AGO3: variants seen among roughly 807,000 people sequenced by gnomAD.
AGO3 encodes the protein argonaute RISC catalytic component 3, also known as protein argonaute-3.
In AGO3, 16 loss-of-function variants were observed where a neutral mutation model predicts 105.5. The observed-to-expected ratio is 0.15, with a 90% confidence interval of 0.10 to 0.23. AGO3 has a LOEUF of 0.23. Ranked by LOEUF, AGO3 falls within the 10% of genes least tolerant of loss-of-function variation. The pLI is 1.00. For missense variants in AGO3, 534 were observed against 1,088.0 expected (o/e 0.49, Z 7.16); for synonymous variants, 340 against 367.3 (o/e 0.93, Z 0.85).
intron 11 of AGO3, among the ~76,000 whole-genome samples, chr1:36,016,762 C>G (rs910731843): frequency 6.6e-6 from 1 of 152,114 alleles, no homozygotes; most frequent in Non-Finnish European, 1.5e-5. Flanking sequence ...CCTCCTTGTG[C>G]TGAAATTTCC....
chr1:35,975,212 A>G (rs558088786), intron 5 of AGO3, among the ~76,000 whole-genome samples: 1 of 152,314 alleles, frequency 6.6e-6, no homozygotes, highest in South Asian at 2.1e-4. Flanking sequence ...TTTTGCATCA[A>G]TGAATGAGAG....
chr1:35,978,085 T>C (rs1646984084), intron 5 of AGO3, among the ~76,000 whole-genome samples: 1 of 152,198 alleles, frequency 6.6e-6, no homozygotes. Flanking sequence ...ATAAAGAATA[T>C]TTTCTATTAT....
At chr1:35,972,856 A>ATTTTTTTTT (rs1165696072) in intron 4 of AGO3, among the ~76,000 whole-genome samples, 4 of 122,894 alleles carry the variant, frequency 3.3e-5, no homozygotes, top group Admixed American at 9.6e-5. Flanking sequence ...TTAAAAAAAA[A>ATTTTTTTTT]TTTTTTTTTT....
At chr1:35,969,056 A>G (rs991314934) in intron 3 of AGO3, among the ~76,000 whole-genome samples, 1 of 152,110 alleles carries the variant, frequency 6.6e-6, no homozygotes, top group Non-Finnish European at 1.5e-5. Context: ...CTTTGGAGAA[A>G]TCTGTGGTCA....
chr1:35,936,533 G>C (rs1646149370), intron 1 of AGO3, among the ~76,000 whole-genome samples: 1 of 152,128 alleles, frequency 6.6e-6, no homozygotes, highest in African/African-American at 2.4e-5. Flanking sequence ...TGTTGGCCAG[G>C]CTGGTCTTGA....
chr1:35,970,174 C>T (rs1210913654), intron 3 of AGO3, among the ~76,000 whole-genome samples: 1 of 152,146 alleles, frequency 6.6e-6, no homozygotes, highest in African/African-American at 2.4e-5. Flanking sequence ...GGTATGTTCA[C>T]AGCTGCTGGG....
At chr1:35,947,069 T>A (rs925451986) in intron 2 of AGO3, among the ~76,000 whole-genome samples, 1 of 152,124 alleles carries the variant, frequency 6.6e-6, no homozygotes, top group African/African-American at 2.4e-5. Context: ...AAAATTTTGG[T>A]TAGCTGTAGT....
chr1:35,952,075 ACTTT>A (rs1243620319), intron 2 of AGO3, among the ~76,000 whole-genome samples: 1 of 148,386 alleles, frequency 6.7e-6, no homozygotes, highest in African/African-American at 2.5e-5. Context: ...CCACTAATCT[ACTTT>A]CTTTCTCTGT....
rs1424296591 is a variant in AGO3, at chr1:36,030,518, A to AG, written c.1591+3220_1591+3221insG. On this transcript the variant is annotated intron_variant, in intron 12 of 18. Transcript: ENST00000373191. ...AGACCCTTTCTCAAAAAAAAAAAAA[A>AG]AAGAGAGAAGAAAAGTACAAATCAA... Among the ~76,000 whole-genome samples the AG allele has an allele frequency of 6.8e-3, 1,034 of 152,140 alleles. 11 individuals carry two copies. The highest frequency in any genetic ancestry group is 0.024 in the African/African-American group (984 of 41,468).
At position 36,067,821 on chromosome 1, in the gene AGO3, G is replaced by A. The variant is rs1185992915; in HGVS notation, c.*12076G>A. On this transcript the variant is annotated 3_prime_UTR_variant, in exon 19 of 19. Transcript: ENST00000373191. ...AGCCTGGGTGGCAGAGTGAGACTCC[G>A]TCTCAAAAAAAAAAAAAAGAAGGAA... 3 of 148,424 alleles carry A rather than the reference G, an allele frequency of 2.0e-5. No homozygotes were observed. The highest frequency in any genetic ancestry group is 3.0e-5 in the Non-Finnish European group (2 of 67,414). The allele number at this position is 148,424 out of a possible 1,614,324, so 9.2% of individuals were successfully genotyped here. A position where few individuals can be genotyped will look rare whatever the true frequency, so the allele number is the denominator to read the frequency against.
chr1:36,071,722 C>A lies in AGO3; in HGVS notation c.*15977C>A, dbSNP rs1226122507. 6.6e-6 allele frequency: 1 copy of A among 152,042 alleles called. No individual in the cohort carries two copies. The highest frequency in any genetic ancestry group is 1.5e-5 in the Non-Finnish European group (1 of 68,002). 9.4% of individuals were successfully genotyped at this position (152,042 alleles called of 1,614,324 possible). A position where few individuals can be genotyped will look rare whatever the true frequency, so the allele number is the denominator to read the frequency against. On this transcript the variant is annotated 3_prime_UTR_variant, in exon 19 of 19. Transcript: ENST00000373191. ...ATATCTATAAATCTTTTTTTAAAAT[C>A]TTCGGCTACACAGTAACATCAATTA... is the stretch of plus-strand genomic sequence containing the variant.
chr1:36,013,499 G>A, intron 9 of AGO3, 131 bp from the exon 10 acceptor site: 1 of 1,196,574 alleles, frequency 8.4e-7, no homozygotes, highest in Non-Finnish European at 1.2e-6. Context: ...TCTGTAGTTA[G>A]AGCACCATTG....
chr1:35,934,689 C>T (rs576018482), intron 1 of AGO3, among the ~76,000 whole-genome samples: 22 of 152,106 alleles, frequency 1.4e-4, no homozygotes, highest in African/African-American at 3.4e-4. Flanking sequence ...CTTGCTCTGT[C>T]GCCTAGGCTG....
At chr1:36,042,142 T>C (rs1642276003) in intron 16 of AGO3, among the ~76,000 whole-genome samples, 1 of 152,196 alleles carries the variant, frequency 6.6e-6, no homozygotes, top group Non-Finnish European at 1.5e-5. Context: ...TGGAGTGCAG[T>C]GGCATGACTT....
At chr1:36,039,277 C>T (rs1225791822) in intron 14 of AGO3, among the ~76,000 whole-genome samples, 2 of 151,948 alleles carry the variant, frequency 1.3e-5, no homozygotes, top group African/African-American at 2.4e-5. Flanking sequence ...AGACGGATCA[C>T]GAGGTCAAGA....
rs1248684124 is a variant in AGO3, at chr1:36,040,447, C to G, written c.2172+6C>G. On this transcript the variant is annotated splice_donor_region_variant and intron_variant, in intron 16 of 18. Transcript: ENST00000373191. ...GTGCTGATAGGACAGAAAGGGTAAT[C>G]TCACCTCTGTTGTAATACTGTTATA... 1 of 1,613,902 alleles carries G rather than the reference C, an allele frequency of 6.2e-7. No individual in the cohort carries two copies.
intron 3 of AGO3, among the ~76,000 whole-genome samples, chr1:35,971,790 T>C (rs1244318431): frequency 6.6e-6 from 1 of 152,172 alleles, no homozygotes; most frequent in African/African-American, 2.4e-5. Flanking sequence ...TCTTTTTTCA[T>C]AGCCGCATAG....
chr1:36,006,677 T>C (rs1415784900), intron 6 of AGO3, among the ~76,000 whole-genome samples: 1 of 152,216 alleles, frequency 6.6e-6, no homozygotes, highest in African/African-American at 2.4e-5. Context: ...TCCTTTATAA[T>C]ATAAAGACAT....
At position 35,972,088 on chromosome 1, in the gene AGO3, A is replaced by C; in HGVS notation, c.377A>C (p.Lys126Thr). ...GATCGACCTTTCAAGGTGTCAATCA[A>C]ATTTGTCTCTCGGGTGAGTTGGCAC... is the stretch of plus-strand genomic sequence containing the variant. Reference protein sequence around the residue: ...GKDRPFKVSIKFVSRVSWHLL... With the variant: ...GKDRPFKVSITFVSRVSWHLL... Residue 126 changes from lysine to threonine, a missense_variant, in exon 4 of 19, where the codon AAA becomes ACA. Lys to Thr is a moderately conservative substitution (Grantham distance 78). This residue lies in a region of AGO3 where 161 missense variants were observed against 234.0 expected (regional missense o/e 0.69). Transcript: ENST00000373191. 1 of 1,614,084 alleles carries C rather than the reference A, an allele frequency of 6.2e-7. No individual in the cohort carries two copies. The highest frequency in any genetic ancestry group is 1.1e-5 in the South Asian group (1 of 91,076).
Sources: gnomAD v4.1 joint callset for allele counts (sites outside exome capture counted in the v4.1 genomes callset) on GRCh38, gnomAD v4.1.1 for gene constraint, gnomAD v4.1.1 regional missense constraint, MANE v1.5 for transcripts, NCBI Gene and HGNC (gene_info 2026-07-23, HGNC 2026-07-21) for gene names.